The following FAT3 variants were observed in gnomAD, a reference collection of about 807,000 sequenced individuals.
The protein encoded by FAT3 is protocadherin Fat 3.
Under a neutral mutation model 310.2 loss-of-function variants are expected in FAT3, and 95 were observed. That is an observed-to-expected ratio of 0.31 (90% CI 0.26 to 0.36). The LOEUF is 0.36. Among genes scored for constraint, FAT3 ranks in the 10% least tolerant of loss-of-function variants. The probability of loss-of-function intolerance (pLI) is 1.00; values close to 1 mark genes in which losing one functional copy is unlikely to be tolerated. For synonymous variants in FAT3, 2,314 were observed against 2,192.9 expected, an observed-to-expected ratio of 1.06 and a Z score of -1.54; for missense variants, 5,408 against 5,715.6, an observed-to-expected ratio of 0.95 and a Z score of 1.74.
At chr11:92,887,560 A>G (rs1011390778) in intron 25 of FAT3, among the ~76,000 whole-genome samples, 2 of 152,238 alleles carry the variant, frequency 1.3e-5, no homozygotes, top group East Asian at 1.9e-4. Flanking sequence ...TCTTCATTCA[A>G]TTGAATCCCC....
chr11:92,772,994 A>G (rs1279068196), intron 6 of FAT3, among the ~76,000 whole-genome samples: 3 of 152,224 alleles, frequency 2.0e-5, no homozygotes, highest in Admixed American at 1.3e-4. Context: ...TTCAATAAAT[A>G]CATTGCCCTA....
At chr11:92,497,768 A>G (rs1489494461) in intron 2 of FAT3, among the ~76,000 whole-genome samples, 1 of 152,058 alleles carries the variant, frequency 6.6e-6, no homozygotes, top group African/African-American at 2.4e-5. Flanking sequence ...AATTTGGAGG[A>G]GAGAGGGCTT....
chr11:92,729,061 A>G (rs1268558576), intron 4 of FAT3, among the ~76,000 whole-genome samples: 1 of 152,206 alleles, frequency 6.6e-6, no homozygotes, highest in Non-Finnish European at 1.5e-5. Context: ...GAGAATCACA[A>G]TTCACAGAAA....
At position 92,328,669 on chromosome 11, in the gene FAT3, G is replaced by A. The variant is rs150546270; in HGVS notation, c.-17-23427G>A. On this transcript the variant is annotated intron_variant, in intron 1 of 27. Transcript: ENST00000525166. ...CTTACGAGGCACGTGACAGCCGTGT[G>A]TATAGGGGACATAATGACTTTAGAA... 5.4e-3 allele frequency among the ~76,000 whole-genome samples: 820 copies of A among 152,340 alleles called. 9 individuals carry two copies. The highest frequency in any genetic ancestry group is 0.018 in the African/African-American group (765 of 41,572).
chr11:92,451,214 G>C (rs1026865879), intron 2 of FAT3, among the ~76,000 whole-genome samples: 1 of 152,128 alleles, frequency 6.6e-6, no homozygotes, highest in African/African-American at 2.4e-5. Flanking sequence ...GCCTTGTGTG[G>C]TGAAGAAGGG....
intron 4 of FAT3, among the ~76,000 whole-genome samples, chr11:92,699,826 T>C (rs577857413): frequency 1.3e-5 from 2 of 152,324 alleles, no homozygotes; most frequent in East Asian, 3.9e-4. Flanking sequence ...AAGTAGGTGC[T>C]TAGTAAAGTG....
chr11:92,703,206 T>C (rs1403209251), intron 4 of FAT3, among the ~76,000 whole-genome samples: 1 of 152,260 alleles, frequency 6.6e-6, no homozygotes, highest in Non-Finnish European at 1.5e-5. Flanking sequence ...TATAACATTT[T>C]CTCTTGCCTT....
intron 2 of FAT3, among the ~76,000 whole-genome samples, chr11:92,384,449 G>A (rs1421527674): frequency 6.6e-6 from 1 of 152,152 alleles, no homozygotes; most frequent in Non-Finnish European, 1.5e-5. Flanking sequence ...ATGTGTCTTG[G>A]AATTCTGTCC....
intron 1 of FAT3, chr11:92,336,184 A>G: frequency 1.8e-6 from 1 of 565,268 alleles, no homozygotes; most frequent in South Asian, 1.4e-5. Context: ...TAGGCCACAA[A>G]GGTGCTGCCA....
At chr11:92,346,913 A>T (rs1043877847) in intron 1 of FAT3, among the ~76,000 whole-genome samples, 8 of 151,534 alleles carry the variant, frequency 5.3e-5, no homozygotes, top group African/African-American at 1.9e-4. Context: ...TGTAAATTTT[A>T]CTCCCTGTCT....
intron 1 of FAT3, among the ~76,000 whole-genome samples, chr11:92,258,541 T>C (rs1865406451): frequency 1.3e-5 from 2 of 152,018 alleles, no homozygotes; most frequent in African/African-American, 4.8e-5. Context: ...GAGGGAGCTG[T>C]GTATGGTTTC....
chr11:92,758,453 C>T (rs184253452), intron 4 of FAT3, among the ~76,000 whole-genome samples: 60 of 152,238 alleles, frequency 3.9e-4, no homozygotes, highest in Admixed American at 3.6e-3. Flanking sequence ...AGACAAATGG[C>T]TGTGCAAAGG....
At chr11:92,287,945 C>T (rs933359881) in intron 1 of FAT3, among the ~76,000 whole-genome samples, 2 of 152,090 alleles carry the variant, frequency 1.3e-5, no homozygotes, top group Non-Finnish European at 2.9e-5. Context: ...AGAAAAACTG[C>T]AGAGCAAATG....
chr11:92,359,484 T>G (rs1948822378), intron 2 of FAT3, among the ~76,000 whole-genome samples: 1 of 152,154 alleles, frequency 6.6e-6, no homozygotes, highest in South Asian at 2.1e-4. Context: ...ACTTTCTTTT[T>G]TTTTATTATT....
intron 2 of FAT3, among the ~76,000 whole-genome samples, chr11:92,407,067 A>G (rs1263712714): frequency 1.3e-5 from 2 of 152,314 alleles, no homozygotes; most frequent in African/African-American, 2.4e-5. Flanking sequence ...GTGAAACTCA[A>G]TTGTTCTAGC....
chr11:92,636,816 T>C (rs113234813), intron 3 of FAT3, among the ~76,000 whole-genome samples: 15 of 152,318 alleles, frequency 9.8e-5, no homozygotes, highest in African/African-American at 3.4e-4. Flanking sequence ...CTGTGTTCTT[T>C]TCATCATTAG....
At chr11:92,288,595 A>G (rs1330551097) in intron 1 of FAT3, among the ~76,000 whole-genome samples, 3 of 152,136 alleles carry the variant, frequency 2.0e-5, no homozygotes, top group Non-Finnish European at 2.9e-5. Context: ...AAATGGATGA[A>G]TGTATGCCTT....
intron 21 of FAT3, among the ~76,000 whole-genome samples, chr11:92,864,068 A>G (rs1949179711): frequency 6.6e-6 from 1 of 152,234 alleles, no homozygotes; most frequent in East Asian, 1.9e-4. Flanking sequence ...AAGCAAGCTT[A>G]ACCGTGCCGT....
chr11:92,837,525 A>C, intron 16 of FAT3, 138 bp from the exon 17 acceptor site: 2 of 1,038,670 alleles, frequency 1.9e-6, no homozygotes, highest in Non-Finnish European at 2.8e-6. Flanking sequence ...TGGTGCCAAG[A>C]ATCACCCGGT....
Sources: gnomAD v4.1 joint callset for allele counts (sites outside exome capture counted in the v4.1 genomes callset) on GRCh38, gnomAD v4.1.1 for gene constraint, MANE v1.5 for transcripts, NCBI Gene and HGNC (gene_info 2026-07-23, HGNC 2026-07-21) for gene names.